FAM91A1: variants seen among roughly 807,000 people sequenced by gnomAD.
FAM91A1 encodes the protein family with sequence similarity 91 member A1, also known as protein FAM91A1.
In FAM91A1, 41 loss-of-function variants were observed where a neutral mutation model predicts 113.5. That is an observed-to-expected ratio of 0.36 (90% CI 0.28 to 0.47). The LOEUF is 0.47. Among genes scored for constraint, FAM91A1 ranks in the 20% least tolerant of loss-of-function variants. FAM91A1 has a pLI of 1.00. For missense variants in FAM91A1, 696 were observed against 1,001.2 expected (o/e 0.70, Z 4.11); for synonymous variants, 307 against 347.9 (o/e 0.88, Z 1.31).
chr8:123,777,291 T>C lies in FAM91A1; in HGVS notation c.336T>C (p.Tyr112=). 2.5e-6 allele frequency: 4 copies of C among 1,611,982 alleles called. No homozygotes were observed. Among genetic ancestry groups the C allele is most frequent in the South Asian group, 1.1e-5 (1 of 90,754 alleles). The part of the protein sequence containing the change: ...MEDIMNSEKS[Y]DSLPNFTAAD... ...ATATTATGAACAGTGAGAAAAGTTA[T>C]GATTCATTGCCCAATTTTACTGCTG... The change falls in exon 4 of 24, where the codon TAT becomes TAC. Residue 112 remains tyrosine (Y), a synonymous_variant. Transcript: ENST00000334705.
intron 10 of FAM91A1, 26 bp downstream of exon 10, chr8:123,785,145 T>A: frequency 6.4e-7 from 1 of 1,561,780 alleles, no homozygotes; most frequent in South Asian, 1.2e-5. Context: ...ACTCATTTAC[T>A]GGTGATGTGA....
chr8:123,788,362 C>A, intron 14 of FAM91A1: 1 of 566,526 alleles, frequency 1.8e-6, no homozygotes, highest in Non-Finnish European at 2.2e-6. Flanking sequence ...AGTTTGTGTG[C>A]CTAATCTGTT....
intron 18 of FAM91A1, among the ~76,000 whole-genome samples, chr8:123,801,237 CTAA>C (rs1225039357): frequency 1.3e-5 from 2 of 152,162 alleles, no homozygotes; most frequent in Non-Finnish European, 2.9e-5. Flanking sequence ...TTCCCGAAGA[CTAA>C]TAATGTTGAG....
intron 21 of FAM91A1, 58 bp from the exon 22 acceptor site, chr8:123,808,835 A>C (rs1815877687): frequency 1.4e-6 from 2 of 1,429,744 alleles, no homozygotes; most frequent in Admixed American, 2.2e-5. Context: ...AGTTATATAT[A>C]ATATATACAT....
At chr8:123,800,035 C>A in intron 18 of FAM91A1, 150 bp downstream of exon 18, 1 of 707,196 alleles carries the variant, frequency 1.4e-6, no homozygotes, top group Non-Finnish European at 2.2e-6. Flanking sequence ...TAGTCCTGGC[C>A]GTTTGGCAGT....
intron 22 of FAM91A1, 51 bp downstream of exon 22, chr8:123,809,067 A>G: frequency 6.3e-7 from 1 of 1,593,516 alleles, no homozygotes; most frequent in Non-Finnish European, 8.6e-7. Context: ...TTAAGCTGTC[A>G]GCAAATAGTT....
chr8:123,807,564 G>T (rs1815844146), intron 20 of FAM91A1, among the ~76,000 whole-genome samples: 1 of 151,826 alleles, frequency 6.6e-6, no homozygotes, highest in Non-Finnish European at 1.5e-5. Flanking sequence ...GAGTGAGTCA[G>T]TATACAGTGT....
chr8:123,791,685 A>G (rs1376200046), intron 15 of FAM91A1, among the ~76,000 whole-genome samples: 1 of 152,212 alleles, frequency 6.6e-6, no homozygotes, highest in Admixed American at 6.5e-5. Flanking sequence ...ATTGCAGAAC[A>G]TGGAAATGAT....
At chr8:123,779,949 G>A in intron 6 of FAM91A1, 36 bp from the exon 7 acceptor site, 1 of 1,569,710 alleles carries the variant, frequency 6.4e-7, no homozygotes, top group Non-Finnish European at 8.7e-7. Flanking sequence ...AGTTAATTTG[G>A]ACAGAACTTA....
rs1815085164 is a variant in FAM91A1 at position 123,780,154 on chromosome 8, T to C, written c.640+79T>C. 5.0e-6 allele frequency: 6 copies of C among 1,208,354 alleles called. No homozygotes were observed. The Admixed American group carries it at 7.9e-5, about 16-fold the overall frequency. 74.9% of individuals were successfully genotyped at this position (1,208,354 alleles called of 1,614,324 possible). ...ATCAATAATTACTAGCAATTACTTA[T>C]CAAGTAGGTACAAATAGTACTAGTT... is the stretch of plus-strand genomic sequence containing the variant. On this transcript the variant is annotated intron_variant, in intron 7 of 23. Transcript: ENST00000334705.
intron 21 of FAM91A1, 142 bp from the exon 22 acceptor site, chr8:123,808,751 C>T (rs895638757): frequency 2.6e-6 from 2 of 780,316 alleles, no homozygotes; most frequent in Admixed American, 6.3e-5. Flanking sequence ...ATTTCTTCCT[C>T]CCCTGCCAAG....
rs2130175999 is a variant in FAM91A1, at chr8:123,813,511, G to A, written c.*807G>A. 6.6e-6 allele frequency: 1 copy of A among 152,458 alleles called. No homozygotes were observed. The highest frequency in any genetic ancestry group is 2.1e-4 in the South Asian group (1 of 4,822). The allele number at this position is 152,458 out of a possible 1,614,324, so 9.4% of individuals were successfully genotyped here. A position where few individuals can be genotyped will look rare whatever the true frequency, so the allele number is the denominator to read the frequency against. On this transcript the variant is annotated 3_prime_UTR_variant, in exon 24 of 24. Coordinates refer to ENST00000334705, the MANE Select transcript of FAM91A1 (RefSeq NM_144963.4). ...CACTTTCACCCTGATTTATTTTTTT[G>A]TTTCTTAGCTTTGATGTTTTCAAAC...
intron 8 of FAM91A1, among the ~76,000 whole-genome samples, chr8:123,782,465 A>C (rs1335215482): frequency 6.6e-6 from 1 of 152,216 alleles, no homozygotes; most frequent in African/African-American, 2.4e-5. Flanking sequence ...ATAAATGGAG[A>C]TCAGAAATAC....
intron 8 of FAM91A1, among the ~76,000 whole-genome samples, chr8:123,781,983 T>A (rs1815135454): frequency 6.6e-6 from 1 of 152,244 alleles, no homozygotes; most frequent in African/African-American, 2.4e-5. Flanking sequence ...GTGCCTACTG[T>A]CATCAGATAA....
chr8:123,774,517 A>C (rs2130043127), intron 2 of FAM91A1, among the ~76,000 whole-genome samples: 1 of 152,220 alleles, frequency 6.6e-6, no homozygotes, highest in Admixed American at 6.5e-5. Context: ...AAATTTTCCA[A>C]ATAATATGAA....
intron 8 of FAM91A1, among the ~76,000 whole-genome samples, chr8:123,783,721 C>T (rs1447725944): frequency 6.6e-6 from 1 of 152,180 alleles, no homozygotes; most frequent in Non-Finnish European, 1.5e-5. Flanking sequence ...CAAAGGAAAG[C>T]ATAGAGCTTG....
At chr8:123,794,328 TA>T (rs1815455406) in intron 15 of FAM91A1, among the ~76,000 whole-genome samples, 1 of 152,228 alleles carries the variant, frequency 6.6e-6, no homozygotes, top group African/African-American at 2.4e-5. Context: ...TATATGTAGA[TA>T]CTAGTCTATT....
chr8:123,777,036 T>C (rs1375353392), intron 3 of FAM91A1, among the ~76,000 whole-genome samples: 1 of 152,166 alleles, frequency 6.6e-6, no homozygotes, highest in Admixed American at 6.5e-5. Flanking sequence ...CTGGGATTCG[T>C]AGAGAGCCTC....
intron 8 of FAM91A1, among the ~76,000 whole-genome samples, chr8:123,783,201 A>C (rs1815165952): frequency 6.6e-6 from 1 of 152,096 alleles, no homozygotes. Flanking sequence ...AAATAGATAC[A>C]TTTAAAAATA....
Sources: allele counts gnomAD v4.1 joint callset (sites outside exome capture counted in the v4.1 genomes callset), GRCh38; gene constraint gnomAD v4.1.1; transcripts MANE v1.5; gene names NCBI Gene and HGNC (gene_info 2026-07-23, HGNC 2026-07-21).